Variants in NFATC3 observed in about 807,000 individuals in gnomAD.
NFATC3 encodes the protein nuclear factor of activated T-cells, cytoplasmic 3.
In NFATC3, 46 loss-of-function variants were observed where a neutral mutation model predicts 98.6. That is an observed-to-expected ratio of 0.47 (90% confidence interval 0.37 to 0.60). The LOEUF (loss-of-function observed/expected upper bound fraction) is 0.60. Ranked by LOEUF, NFATC3 falls within the 20% of genes least tolerant of loss-of-function variation. NFATC3 has a pLI of 0.00. For synonymous variants in NFATC3, 512 were observed against 472.2 expected (o/e 1.08, Z -1.09); for missense variants, 1,256 against 1,295.5 (o/e 0.97, Z 0.47).
Position 68,229,027 on chromosome 16 carries a change from C to T in NFATC3, c.*2556C>T, listed in dbSNP as rs1242455778. On this transcript the variant is annotated 3_prime_UTR_variant, in exon 10 of 10. Coordinates refer to ENST00000346183, the MANE Select transcript of NFATC3 (RefSeq NM_173165.3). ...TGGTATTCAGAATGGATCTTTAAGGCTCAGATGGGCTCAAATTGAAACCTT... is the reference window on the plus strand; with the variant it reads ...TGGTATTCAGAATGGATCTTTAAGGTTCAGATGGGCTCAAATTGAAACCTT... The T allele has an allele frequency of 6.6e-6, 1 of 152,210 alleles. No homozygotes were observed. The highest frequency in any genetic ancestry group is 1.5e-5 in the Non-Finnish European group (1 of 68,036). 9.4% of individuals were successfully genotyped at this position (152,210 alleles called of 1,614,324 possible).
chr16:68,169,224 G>A (rs776096532), intron 5 of NFATC3, among the ~76,000 whole-genome samples: 22 of 152,004 alleles, frequency 1.4e-4, no homozygotes, highest in Non-Finnish European at 4.4e-5. Context: ...CCTGCCAGAG[G>A]GTTCTATGCC....
intron 3 of NFATC3, among the ~76,000 whole-genome samples, chr16:68,151,659 C>G (rs2038325642): frequency 6.6e-6 from 1 of 152,156 alleles, no homozygotes; most frequent in African/African-American, 2.4e-5. Context: ...CCTTAAGTAT[C>G]TGTAGTGCAC....
At chr16:68,100,189 T>G (rs1397090681) in intron 1 of NFATC3, among the ~76,000 whole-genome samples, 1 of 152,228 alleles carries the variant, frequency 6.6e-6, no homozygotes, top group Non-Finnish European at 1.5e-5. Flanking sequence ...TGTACAGATT[T>G]GTATGTGGAT....
At chr16:68,109,221 G>T (rs2035819270) in intron 1 of NFATC3, among the ~76,000 whole-genome samples, 1 of 152,072 alleles carries the variant, frequency 6.6e-6, no homozygotes, top group Admixed American at 6.6e-5. Context: ...TGTCTTAAAT[G>T]GCTCTTATTA....
chr16:68,156,675 C>G (rs1005177711), intron 3 of NFATC3, among the ~76,000 whole-genome samples: 3 of 152,198 alleles, frequency 2.0e-5, no homozygotes, highest in African/African-American at 2.4e-5. Context: ...CACAGTCACT[C>G]ACACCTGTAA....
intron 9 of NFATC3, among the ~76,000 whole-genome samples, chr16:68,210,235 T>TTGCAGTGA (rs1167563766): frequency 6.6e-6 from 1 of 151,130 alleles, no homozygotes; most frequent in African/African-American, 2.4e-5. Flanking sequence ...AAGGCGGAGC[T>TTGCAGTGA]TGCAGTGAGC....
At chr16:68,184,744 C>T (rs1345168877) in intron 8 of NFATC3, among the ~76,000 whole-genome samples, 1 of 151,978 alleles carries the variant, frequency 6.6e-6, no homozygotes, top group Admixed American at 6.6e-5. Context: ...GCAGAGCTTG[C>T]AGTGAGCCAA....
chr16:68,209,824 C>A (rs777276347), intron 9 of NFATC3: 7 of 364,250 alleles, frequency 1.9e-5, no homozygotes, highest in Admixed American at 3.4e-5. Context: ...CTCTGGCTAA[C>A]CCCCCTGCCC....
chr16:68,123,143 C>T lies in NFATC3; in HGVS notation c.1238+22C>T, dbSNP rs531053302. 5.2e-5 allele frequency: 82 copies of T among 1,574,542 alleles called. No homozygotes were observed. In the South Asian group the frequency reaches 8.9e-4, roughly 17 times the overall value. On this transcript the variant is annotated intron_variant, in intron 2 of 9. Transcript: ENST00000346183. ...TTCGGTGAGTTGATGGAAATGGCTGCTGGTCATTTTTCATGTTTATGGGTC... is the reference window on the plus strand; with the variant it reads ...TTCGGTGAGTTGATGGAAATGGCTGTTGGTCATTTTTCATGTTTATGGGTC...
At chr16:68,192,360 T>C (rs2040481349) in intron 9 of NFATC3, 1 of 147,182 alleles carries the variant, frequency 6.8e-6, no homozygotes. Context: ...GAGAGAACTT[T>C]GAGGGTAGAT....
chr16:68,187,857 G>C (rs573566968), intron 8 of NFATC3, among the ~76,000 whole-genome samples: 1 of 152,318 alleles, frequency 6.6e-6, no homozygotes, highest in East Asian at 1.9e-4. Context: ...CCAGCCCCCA[G>C]ACTTCAGGCC....
In NFATC3 at chr16:68,158,048, T is replaced by C. The variant is rs772482797; in HGVS notation, c.1581T>C (p.Pro527=). 2.5e-6 allele frequency: 4 copies of C among 1,612,620 alleles called. No homozygotes were observed. The Admixed American group carries it at 6.7e-5, about 27-fold the overall frequency. ...AAGTTCTGGAAATTCCACTTCTTCC[T>C]GAAAATAATATGTCAGCCAGGTATT... The part of the protein sequence containing the change: ...STKVLEIPLL[P]ENNMSASIDC... Residue 527 remains proline (P), a synonymous_variant, in exon 4 of 10, where the codon CCT becomes CCC. Coordinates refer to ENST00000346183, the MANE Select transcript of NFATC3 (RefSeq NM_173165.3).
In NFATC3 at chr16:68,227,296, C is replaced by T. The variant is rs1262094350; in HGVS notation, c.*825C>T. ...TAGCTTGGTCACTTTCATTTCTTGC[C>T]ATCATAAAAACTAGTAGGCTGTGGA... On this transcript the variant is annotated 3_prime_UTR_variant, in exon 10 of 10. Transcript: ENST00000346183. 1 of 152,090 alleles carries T rather than the reference C, an allele frequency of 6.6e-6. No homozygotes were observed. The highest frequency in any genetic ancestry group is 2.4e-5 in the African/African-American group (1 of 41,416). The allele number at this position is 152,090 out of a possible 1,614,324, so 9.4% of individuals were successfully genotyped here. A position where few individuals can be genotyped will look rare whatever the true frequency, so the allele number is the denominator to read the frequency against.
At chr16:68,222,667 T>G (rs774605824) in intron 9 of NFATC3, among the ~76,000 whole-genome samples, 6 of 152,216 alleles carry the variant, frequency 3.9e-5, no homozygotes, top group Non-Finnish European at 8.8e-5. Context: ...ACTTTCACTG[T>G]GCTTGTTCTA....
chr16:68,186,935 C>T (rs1467541657), intron 8 of NFATC3, among the ~76,000 whole-genome samples: 1 of 152,220 alleles, frequency 6.6e-6, no homozygotes. Context: ...GTCACTTTGC[C>T]AGCCGAAAAC....
Position 68,160,640 on chromosome 16 carries a change from C to T in NFATC3, c.1601+2572C>T, listed in dbSNP as rs2038847640. 3.3e-5 allele frequency among the ~76,000 whole-genome samples: 5 copies of T among 152,178 alleles called. No homozygotes were observed. In the South Asian group the frequency reaches 1.0e-3, roughly 32 times the overall value. ...GCAAATCATTGCATAGGGGCTATGA[C>T]AGAGTTTTTTCACAGCAAAGGCAGA... is the stretch of plus-strand genomic sequence containing the variant. On this transcript the variant is annotated intron_variant, in intron 4 of 9. Transcript: ENST00000346183.
intron 8 of NFATC3, 144 bp downstream of exon 8, chr16:68,183,510 T>C (rs911000439): frequency 2.5e-6 from 2 of 815,916 alleles, no homozygotes; most frequent in Admixed American, 3.2e-5. Context: ...AAAGTTTTTG[T>C]TGACTTTAAA....
chr16:68,169,228 C>G (rs1336146010), intron 5 of NFATC3, among the ~76,000 whole-genome samples: 2 of 152,200 alleles, frequency 1.3e-5, no homozygotes, highest in Non-Finnish European at 2.9e-5. Context: ...CCAGAGGGTT[C>G]TATGCCCAGG....
intron 1 of NFATC3, among the ~76,000 whole-genome samples, chr16:68,113,600 C>T (rs1446074009): frequency 6.6e-6 from 1 of 152,262 alleles, no homozygotes; most frequent in Admixed American, 6.5e-5. Context: ...AAGAAGCAGT[C>T]TGACTGCCCC....
Sources: allele counts gnomAD v4.1 joint callset (sites outside exome capture counted in the v4.1 genomes callset), GRCh38; gene constraint gnomAD v4.1.1; transcripts MANE v1.5; gene names NCBI Gene and HGNC (gene_info 2026-07-23, HGNC 2026-07-21).